The following LINGO2 variants were observed in gnomAD, a reference collection of about 807,000 sequenced individuals.
The protein encoded by LINGO2 is leucine-rich repeat and immunoglobulin-like domain-containing nogo receptor-interacting protein 2.
In LINGO2, 14 loss-of-function variants were observed where a neutral mutation model predicts 30.6. That is an observed-to-expected ratio of 0.46 (90% CI 0.30 to 0.72). The LOEUF (loss-of-function observed/expected upper bound fraction) is 0.72. Ranked by LOEUF, LINGO2 falls within the 30% of genes least tolerant of loss-of-function variation. The pLI is 0.07. For synonymous variants in LINGO2, 317 were observed against 288.5 expected (o/e 1.10, Z -1.00); for missense variants, 729 against 751.7 (o/e 0.97, Z 0.35).
At chr9:28,718,153 A>T in the LINGO2 span, among the ~76,000 whole-genome samples, 3,050 of 152,016 alleles carry the variant, frequency 0.02, 104 homozygotes, top group African/African-American at 0.067. Context: ...AGTTAAGAAG[A>T]TGCTTATATG....
chr9:28,136,988 C>T (rs1827535491), intron 4 of LINGO2, among the ~76,000 whole-genome samples: 3 of 152,074 alleles, frequency 2.0e-5, no homozygotes, highest in African/African-American at 4.8e-5. Context: ...TCTTCTCCTG[C>T]CTTCAGACAT....
At chr9:28,084,213 A>C (rs766129350) in intron 4 of LINGO2, among the ~76,000 whole-genome samples, 5 of 152,172 alleles carry the variant, frequency 3.3e-5, no homozygotes, top group Non-Finnish European at 7.4e-5. Context: ...TCATTGTTTT[A>C]AAAGAGACAA....
intron 4 of LINGO2, among the ~76,000 whole-genome samples, chr9:28,234,878 CACT>C (rs1352596912): frequency 1.3e-5 from 2 of 149,816 alleles, no homozygotes; most frequent in Non-Finnish European, 2.9e-5. Flanking sequence ...ACGTATACAC[CACT>C]ACTTCTGTCC....
intron 2 of LINGO2, among the ~76,000 whole-genome samples, chr9:28,427,038 A>G (rs1459748750): frequency 1.3e-5 from 2 of 152,108 alleles, no homozygotes; most frequent in Non-Finnish European, 2.9e-5. Context: ...GCATTTTAGA[A>G]AACCTAATAT....
the LINGO2 span, among the ~76,000 whole-genome samples, chr9:29,049,099 G>A: frequency 7.9e-5 from 12 of 152,028 alleles, no homozygotes; most frequent in African/African-American, 2.7e-4. Flanking sequence ...GAATATACAA[G>A]GAGTTTAAAA....
At position 28,118,192 on chromosome 9, in the gene LINGO2, C is replaced by T. The variant is rs139211434; in HGVS notation, c.-86-105787G>A. Among the ~76,000 whole-genome samples the T allele has an allele frequency of 4.0e-3, 609 of 152,150 alleles. 8 individuals carry two copies. The highest frequency in any genetic ancestry group is 0.014 in the African/African-American group (583 of 41,504). The stretch of plus-strand genomic sequence containing the variant: ...GCAAACCACTATGGCACATGTTTAC[C>T]TGTGTAGCAAACCTACACATCCTGC... On this transcript the variant is annotated intron_variant, in intron 4 of 5. Transcript: ENST00000379992.
At chr9:28,382,028 C>A (rs1365694956) in intron 2 of LINGO2, among the ~76,000 whole-genome samples, 3 of 152,216 alleles carry the variant, frequency 2.0e-5, no homozygotes, top group Admixed American at 2.0e-4. Context: ...TGGATCCCAG[C>A]ACTACTACTT....
At chr9:28,577,134 G>C (rs953549545) in intron 1 of LINGO2, among the ~76,000 whole-genome samples, 1 of 151,942 alleles carries the variant, frequency 6.6e-6, no homozygotes, top group Non-Finnish European at 1.5e-5. Context: ...AAAATAAAAC[G>C]CCACAAATTT....
At chr9:28,696,764 A>G in the LINGO2 span, among the ~76,000 whole-genome samples, 3 of 151,904 alleles carry the variant, frequency 2.0e-5, no homozygotes, top group Non-Finnish European at 2.9e-5. Flanking sequence ...GGGTAGTAGG[A>G]AGCCAGAAAT....
chr9:28,201,438 A>G (rs988021003), intron 4 of LINGO2, among the ~76,000 whole-genome samples: 4 of 145,718 alleles, frequency 2.7e-5, no homozygotes, highest in African/African-American at 1.0e-4. Context: ...ATAGTATTCC[A>G]TGGTGTATAT....
At chr9:28,029,674 A>AT (rs1823566493) in intron 4 of LINGO2, among the ~76,000 whole-genome samples, 1 of 152,234 alleles carries the variant, frequency 6.6e-6, no homozygotes, top group Non-Finnish European at 1.5e-5. Flanking sequence ...GAGATAGTCA[A>AT]AACTAATAAT....
intron 1 of LINGO2, among the ~76,000 whole-genome samples, chr9:28,481,382 G>C (rs565756873): frequency 1.3e-5 from 2 of 151,956 alleles, no homozygotes; most frequent in Non-Finnish European, 2.9e-5. Context: ...CAGCCTATAC[G>C]CACCAAAATT....
the LINGO2 span, among the ~76,000 whole-genome samples, chr9:28,858,722 T>C: frequency 0.04 from 6,127 of 152,102 alleles, 403 homozygotes; most frequent in African/African-American, 0.13. Flanking sequence ...GAGAAAACTT[T>C]TCCAAAATGA....
the LINGO2 span, among the ~76,000 whole-genome samples, chr9:29,144,999 G>T: frequency 6.6e-6 from 1 of 152,104 alleles, no homozygotes; most frequent in Non-Finnish European, 1.5e-5. Context: ...TGTTTTGGAT[G>T]CGTTTGGAAC....
In LINGO2 at chr9:28,077,475, C is replaced by G. The variant is rs183487450; in HGVS notation, c.-86-65070G>C. ...ATATACATTTGTCACATTTTATTCACTCATGGATTCATTCATTCACTTAAA... is the reference window on the plus strand; with the variant it reads ...ATATACATTTGTCACATTTTATTCAGTCATGGATTCATTCATTCACTTAAA... On this transcript the variant is annotated intron_variant, in intron 4 of 5. Transcript: ENST00000379992. Among the ~76,000 whole-genome samples, 409 of 152,310 alleles carry G rather than the reference C, an allele frequency of 2.7e-3. 4 individuals carry two copies. Among genetic ancestry groups the G allele is most frequent in the Non-Finnish European group, 3.8e-3 (257 of 68,018 alleles).
chr9:28,730,004 G>A, the LINGO2 span, among the ~76,000 whole-genome samples: 9 of 151,878 alleles, frequency 5.9e-5, no homozygotes, highest in Non-Finnish European at 1.2e-4. Context: ...TTTCTCAATA[G>A]CAACAGTAGA....
At chr9:28,942,111 T>C in the LINGO2 span, among the ~76,000 whole-genome samples, 1 of 152,114 alleles carries the variant, frequency 6.6e-6, no homozygotes, top group Non-Finnish European at 1.5e-5. Context: ...GAGAACCATG[T>C]CTTTGTATTG....
chr9:29,179,607 G>A, the LINGO2 span, among the ~76,000 whole-genome samples: 3 of 152,100 alleles, frequency 2.0e-5, no homozygotes, highest in East Asian at 1.9e-4. Flanking sequence ...GTTTCATGAT[G>A]TTGGCCAGGC....
At chr9:28,398,980 T>C (rs1054785376) in intron 2 of LINGO2, among the ~76,000 whole-genome samples, 2 of 152,118 alleles carry the variant, frequency 1.3e-5, no homozygotes, top group Non-Finnish European at 2.9e-5. Flanking sequence ...CAAAAAGATA[T>C]ATTTCTGTCT....
Sources: gnomAD v4.1 joint callset for allele counts (sites outside exome capture counted in the v4.1 genomes callset) on GRCh38, gnomAD v4.1.1 for gene constraint, MANE v1.5 for transcripts, NCBI Gene and HGNC (gene_info 2026-07-23, HGNC 2026-07-21) for gene names.